CNOT7: variants seen among roughly 807,000 people sequenced by gnomAD.
CNOT7 encodes CCR4-NOT transcription complex subunit 7.
A neutral mutation model predicts 37.1 loss-of-function variants in CNOT7; 4 were observed. That is an observed-to-expected ratio of 0.11 (90% CI 0.05 to 0.25). The LOEUF is 0.25. CNOT7 is among the 10% of genes least tolerant of loss of function. The probability of loss-of-function intolerance (pLI) is 1.00; values close to 1 mark genes in which losing one functional copy is unlikely to be tolerated. For synonymous variants in CNOT7, 128 were observed against 115.6 expected (o/e 1.11, Z -0.69); for missense variants, 170 against 336.2 (o/e 0.51, Z 3.87).
At chr8:17,245,401 G>A (rs957988054) in intron 1 of CNOT7, among the ~76,000 whole-genome samples, 154 bp from the exon 2 acceptor site, 4 of 151,702 alleles carry the variant, frequency 2.6e-5, no homozygotes, top group Admixed American at 2.0e-4. Flanking sequence ...AGGTCACACA[G>A]CTAGTCTATA....
rs1489044516 is a variant in CNOT7, at chr8:17,228,192, A to C, written c.*2528T>G. 1 of 151,930 alleles carries C rather than the reference A, an allele frequency of 6.6e-6. No individual in the cohort carries two copies. Among genetic ancestry groups the C allele is most frequent in the Non-Finnish European group, 1.5e-5 (1 of 67,842 alleles). 9.4% of individuals were successfully genotyped at this position (151,930 alleles called of 1,614,324 possible). On this transcript the variant is annotated 3_prime_UTR_variant, in exon 7 of 7. Coordinates refer to ENST00000361272, the MANE Select transcript of CNOT7 (RefSeq NM_013354.7). ...CATGGGCCACACAAAAACAGGCAGC[A>C]AGCTGATTCTGGCTACGGGCCATAG...
chr8:17,236,678 ACTAT>A (rs1247488983), intron 4 of CNOT7, among the ~76,000 whole-genome samples: 2 of 152,290 alleles, frequency 1.3e-5, no homozygotes, highest in East Asian at 3.9e-4. Context: ...AGTACTTATC[ACTAT>A]CTAACAAATC....
At chr8:17,231,925 G>C (rs1808683816) in intron 6 of CNOT7, 1 of 986,862 alleles carries the variant, frequency 1.0e-6, no homozygotes, top group Admixed American at 6.1e-5. Context: ...TGCAGTAAAA[G>C]AGCCTGAGTT....
intron 3 of CNOT7, among the ~76,000 whole-genome samples, chr8:17,240,356 T>TC (rs1156543760): frequency 6.6e-6 from 1 of 152,122 alleles, no homozygotes; most frequent in Non-Finnish European, 1.5e-5. Context: ...TTTGAGATTT[T>TC]TTTTTTTTTT....
Position 17,245,252 on chromosome 8 carries a change from C to G in CNOT7, c.-95-5G>C. The G allele has an allele frequency of 8.0e-7, 1 of 1,254,216 alleles. No individual in the cohort carries two copies. The highest frequency in any genetic ancestry group is 1.0e-6 in the Non-Finnish European group (1 of 952,430). 77.7% of individuals were successfully genotyped at this position (1,254,216 alleles called of 1,614,324 possible). A position where few individuals can be genotyped will look rare whatever the true frequency, so the allele number is the denominator to read the frequency against. On this transcript the variant is annotated splice_polypyrimidine_tract_variant and splice_region_variant and intron_variant, in intron 1 of 6. Coordinates refer to ENST00000361272, the MANE Select transcript of CNOT7 (RefSeq NM_013354.7). ...TTTTATCCTTTATTTATGTACCTGT[C>G]AAAATAAAAAAACAATATGAAGACC...
intron 1 of CNOT7, 68 bp from the exon 2 acceptor site, chr8:17,245,315 G>T: frequency 3.0e-6 from 2 of 661,628 alleles, no homozygotes; most frequent in Non-Finnish European, 4.5e-6. Flanking sequence ...AATTGATCCA[G>T]CAGGAACCTA....
chr8:17,243,664 A>G (rs1260393861), intron 2 of CNOT7: 1 of 456,384 alleles, frequency 2.2e-6, no homozygotes, highest in East Asian at 6.9e-5. Flanking sequence ...TCTGGCTTAA[A>G]CAATATTCTC....
intron 4 of CNOT7, among the ~76,000 whole-genome samples, chr8:17,236,555 C>T (rs904046785): frequency 6.6e-5 from 10 of 152,026 alleles, no homozygotes; most frequent in African/African-American, 2.2e-4. Context: ...ATTTTGGTGA[C>T]CATTAAAACA....
intron 2 of CNOT7, chr8:17,243,622 C>T: frequency 2.2e-6 from 1 of 457,054 alleles, no homozygotes; most frequent in Non-Finnish European, 4.4e-6. Context: ...ACACCAAAAC[C>T]CTAAGAAAAA....
intron 4 of CNOT7, among the ~76,000 whole-genome samples, chr8:17,235,831 T>C (rs1179809487): frequency 2.6e-5 from 4 of 152,238 alleles, no homozygotes; most frequent in East Asian, 3.8e-4. Flanking sequence ...TTGATAAATA[T>C]TCAAATATAT....
chr8:17,233,759 T>A (rs1424308547), intron 5 of CNOT7, among the ~76,000 whole-genome samples: 1 of 152,190 alleles, frequency 6.6e-6, no homozygotes, highest in Admixed American at 6.5e-5. Context: ...AAATAATCTT[T>A]CTTGAAAATT....
chr8:17,230,287 T>C lies in CNOT7; in HGVS notation c.*433A>G, dbSNP rs1393241310. 6.5e-6 allele frequency: 1 copy of C among 152,786 alleles called. No individual in the cohort carries two copies. The highest frequency in any genetic ancestry group is 1.5e-5 in the Non-Finnish European group (1 of 68,212). 9.5% of individuals were successfully genotyped at this position (152,786 alleles called of 1,614,324 possible). ...CAGGTTTAGAGTCAGAAACACTCTC[T>C]AAAGTGCAAAACTGATGGTCCACGA... On this transcript the variant is annotated 3_prime_UTR_variant, in exon 7 of 7. Transcript: ENST00000361272.
Position 17,228,959 on chromosome 8 carries a change from A to C in CNOT7, c.*1761T>G, listed in dbSNP as rs1209920072. 3 of 152,018 alleles carry C rather than the reference A, an allele frequency of 2.0e-5. No homozygotes were observed. The highest frequency in any genetic ancestry group is 7.2e-5 in the African/African-American group (3 of 41,456). 9.4% of individuals were successfully genotyped at this position (152,018 alleles called of 1,614,324 possible). A position where few individuals can be genotyped will look rare whatever the true frequency, so the allele number is the denominator to read the frequency against. ...AGCCACAGTTATACCAAATGTATTTACTTTGTGAAGTATATCCTTCGGAAT... is the reference window on the plus strand; with the variant it reads ...AGCCACAGTTATACCAAATGTATTTCCTTTGTGAAGTATATCCTTCGGAAT... On this transcript the variant is annotated 3_prime_UTR_variant, in exon 7 of 7. Transcript: ENST00000361272.
chr8:17,244,898 G>C, intron 2 of CNOT7, 138 bp downstream of exon 2: 1 of 692,930 alleles, frequency 1.4e-6, no homozygotes, highest in Non-Finnish European at 2.4e-6. Context: ...GATTTTGGCT[G>C]GAGGGCAGTG....
chr8:17,234,584 A>C lies in CNOT7; in HGVS notation c.618+132T>G, dbSNP rs1265401442. On this transcript the variant is annotated intron_variant, in intron 5 of 6. Transcript: ENST00000361272. ...TGTATGCAAGAAAAAAAATCACATG[A>C]CCAGATAATATAATTGCATTCACTG... 4.3e-6 allele frequency: 4 copies of C among 940,118 alleles called. No homozygotes were observed. The Admixed American group carries it at 8.3e-5, about 20-fold the overall frequency. 58.2% of individuals were successfully genotyped at this position (940,118 alleles called of 1,614,324 possible).
rs1808362724 is a variant in CNOT7 at position 17,229,386 on chromosome 8, T to TAACA, written c.*1330_*1333dup. 2 of 152,348 alleles carry TAACA rather than the reference T, an allele frequency of 1.3e-5. No homozygotes were observed. The highest frequency in any genetic ancestry group is 4.1e-4 in the South Asian group (2 of 4,832). The allele number at this position is 152,348 out of a possible 1,614,324, so 9.4% of individuals were successfully genotyped here. A position where few individuals can be genotyped will look rare whatever the true frequency, so the allele number is the denominator to read the frequency against. ...TACAAGGGAGACAAACCAATGTGAC[T>TAACA]AACATTTGGAGATTTGCTAATATTA... On this transcript the variant is annotated 3_prime_UTR_variant, in exon 7 of 7. Transcript: ENST00000361272.
At position 17,228,768 on chromosome 8, in the gene CNOT7, C is replaced by T. The variant is rs769734206; in HGVS notation, c.*1952G>A. On this transcript the variant is annotated 3_prime_UTR_variant, in exon 7 of 7. Coordinates refer to ENST00000361272, the MANE Select transcript of CNOT7 (RefSeq NM_013354.7). The stretch of plus-strand genomic sequence containing the variant: ...TGGCTAATAAAAAGGCAATCTTTAT[C>T]ATTCCTATTTGAAATCCAGCATTGA... The T allele has an allele frequency of 9.9e-5, 15 of 151,940 alleles. No individual in the cohort carries two copies. The highest frequency in any genetic ancestry group is 1.9e-4 in the Non-Finnish European group (13 of 67,864). The allele number at this position is 151,940 out of a possible 1,614,324, so 9.4% of individuals were successfully genotyped here.
Position 17,239,999 on chromosome 8 carries a change from C to G in CNOT7, c.312-2626G>C, listed in dbSNP as rs79797835. Among the ~76,000 whole-genome samples, 1,117 of 152,266 alleles carry G rather than the reference C, an allele frequency of 7.3e-3. 12 individuals carry two copies. The highest frequency in any genetic ancestry group is 0.026 in the African/African-American group (1,063 of 41,544). ...CAATAGAGAGAAAACAGAAGAGTTA[C>G]AAAACACTGAGTTATAAAGACCACG... On this transcript the variant is annotated intron_variant, in intron 3 of 6. Transcript: ENST00000361272.
Position 17,227,385 on chromosome 8 carries a change from G to C in CNOT7, c.*3335C>G, listed in dbSNP as rs1808231398. On this transcript the variant is annotated 3_prime_UTR_variant, in exon 7 of 7. Transcript: ENST00000361272. ...AAAGCTAGGCAGTACTGACTAGTAA[G>C]AGGCAAAGAATTAACAGTGTCATTT... The C allele has an allele frequency of 6.6e-6, 1 of 151,828 alleles. No individual in the cohort carries two copies. The highest frequency in any genetic ancestry group is 6.6e-5 in the Admixed American group (1 of 15,210). 9.4% of individuals were successfully genotyped at this position (151,828 alleles called of 1,614,324 possible).
Sources: gnomAD v4.1 joint callset for allele counts (sites outside exome capture counted in the v4.1 genomes callset) on GRCh38, gnomAD v4.1.1 for gene constraint, MANE v1.5 for transcripts, NCBI Gene and HGNC (gene_info 2026-07-23, HGNC 2026-07-21) for gene names.